Variants in CSMD1 observed in about 807,000 individuals in gnomAD.
The protein encoded by CSMD1 is CUB and sushi domain-containing protein 1.
In CSMD1, 213 loss-of-function variants were observed where a neutral mutation model predicts 417.5. That is an observed-to-expected ratio of 0.51 (90% CI 0.46 to 0.57). CSMD1 has a LOEUF of 0.57. Ranked by LOEUF, CSMD1 falls within the 20% of genes least tolerant of loss-of-function variation. The pLI, the probability that CSMD1 is intolerant of heterozygous loss-of-function variation, is 0.00. For missense variants in CSMD1, 6,923 were observed against 4,529.7 expected (o/e 1.53, Z -15.17); for synonymous variants, 2,862 against 1,736.8 (o/e 1.65, Z -16.11).
Position 3,052,592 on chromosome 8 carries a change from C to A in CSMD1, c.7530G>T (p.Glu2510Asp). Residue 2510 changes from glutamate to aspartate, a missense_variant, in exon 50 of 70, where the codon GAG (glutamate) becomes GAT (aspartate). By Grantham distance (45) the Glu-to-Asp change is conservative. Transcript: ENST00000635120. Reference protein sequence around the residue: ...SPGNGSFTGNEFTLDSKVVYE... With the variant: ...SPGNGSFTGNDFTLDSKVVYE... Reference sequence around the variant, plus strand: ...AGACCACTTTACTGTCCAAAGTGAACTCGTTCCCGGTAAATGAACCGTTTC... The same window carrying A: ...AGACCACTTTACTGTCCAAAGTGAAATCGTTCCCGGTAAATGAACCGTTTC... 6.2e-7 allele frequency: 1 copy of A among 1,611,960 alleles called. No homozygotes were observed. The highest frequency in any genetic ancestry group is 8.5e-7 in the Non-Finnish European group (1 of 1,179,070).
intron 4 of CSMD1, among the ~76,000 whole-genome samples, chr8:4,031,143 T>G (rs1264063648): frequency 1.3e-5 from 2 of 152,232 alleles, no homozygotes; most frequent in Non-Finnish European, 2.9e-5. Context: ...AAACTCTGCC[T>G]GTTATCCAGT....
chr8:4,162,543 A>T (rs188656617), intron 3 of CSMD1, among the ~76,000 whole-genome samples: 7 of 152,226 alleles, frequency 4.6e-5, no homozygotes, highest in South Asian at 2.1e-4. Context: ...GATATTTTTA[A>T]TTTATTTTAC....
chr8:3,901,608 T>C (rs1417550475), intron 5 of CSMD1, among the ~76,000 whole-genome samples: 2 of 152,216 alleles, frequency 1.3e-5, no homozygotes, highest in African/African-American at 4.8e-5. Flanking sequence ...CTTTTGATAG[T>C]TTCTCTGAAA....
chr8:3,468,849 C>G (rs367580762), intron 11 of CSMD1, 25 bp from the exon 12 acceptor site: 21 of 1,505,928 alleles, frequency 1.4e-5, no homozygotes, highest in Non-Finnish European at 1.8e-5. Context: ...AATGTCAAAG[C>G]TTTTAGGTAA....
intron 3 of CSMD1, among the ~76,000 whole-genome samples, chr8:4,161,947 G>C (rs774934433): frequency 2.6e-5 from 4 of 152,028 alleles, no homozygotes; most frequent in Non-Finnish European, 5.9e-5. Context: ...AGTAAGTATA[G>C]TACACAACAT....
At chr8:3,839,034 T>C (rs1200064669) in intron 5 of CSMD1, among the ~76,000 whole-genome samples, 2 of 128,138 alleles carry the variant, frequency 1.6e-5, no homozygotes, top group Non-Finnish European at 3.1e-5. Context: ...ATTATATATA[T>C]TTATTATATA....
chr8:4,640,720 G>A (rs894920506), intron 1 of CSMD1, among the ~76,000 whole-genome samples: 5 of 151,970 alleles, frequency 3.3e-5, no homozygotes, highest in African/African-American at 1.2e-4. Context: ...TCAACATGTT[G>A]TTTAACATGA....
intron 2 of CSMD1, among the ~76,000 whole-genome samples, chr8:4,471,132 T>G (rs1800506998): frequency 6.6e-6 from 1 of 152,206 alleles, no homozygotes; most frequent in African/African-American, 2.4e-5. Flanking sequence ...AAATTATCCT[T>G]CAACAGAACA....
chr8:4,043,450 G>A (rs945057955), intron 3 of CSMD1, among the ~76,000 whole-genome samples: 1 of 152,158 alleles, frequency 6.6e-6, no homozygotes, highest in African/African-American at 2.4e-5. Context: ...TCATGATAAT[G>A]GATGAAAAAT....
chr8:3,963,886 C>T (rs1362227913), intron 5 of CSMD1, among the ~76,000 whole-genome samples: 1 of 152,148 alleles, frequency 6.6e-6, no homozygotes, highest in Admixed American at 6.5e-5. Context: ...TTAACTGACA[C>T]TCGGAAGAAT....
chr8:4,102,899 A>G (rs546043530), intron 3 of CSMD1, among the ~76,000 whole-genome samples: 2 of 152,316 alleles, frequency 1.3e-5, no homozygotes, highest in East Asian at 3.9e-4. Context: ...AGGTTATAGC[A>G]AAGTGCTGAG....
chr8:4,438,855 T>G (rs1798299378), intron 2 of CSMD1, among the ~76,000 whole-genome samples: 1 of 152,214 alleles, frequency 6.6e-6, no homozygotes. Flanking sequence ...TATCTGAATC[T>G]GTATCACGTT....
intron 1 of CSMD1, among the ~76,000 whole-genome samples, chr8:4,745,182 G>A (rs1434537436): frequency 6.6e-6 from 1 of 152,030 alleles, no homozygotes; most frequent in Non-Finnish European, 1.5e-5. Context: ...TCTAATCAAT[G>A]AAACCTTAAT....
chr8:2,957,585 G>A (rs182184068), intron 63 of CSMD1, 111 bp downstream of exon 63: 38 of 752,016 alleles, frequency 5.1e-5, no homozygotes, highest in Non-Finnish European at 2.2e-6. Context: ...CGAAAATTTA[G>A]GATTAGGGAA....
At chr8:4,570,837 T>G (rs948673616) in intron 2 of CSMD1, among the ~76,000 whole-genome samples, 4 of 152,176 alleles carry the variant, frequency 2.6e-5, no homozygotes, top group African/African-American at 9.7e-5. Flanking sequence ...ATTGGTCTAT[T>G]TCGGGATTCG....
intron 3 of CSMD1, among the ~76,000 whole-genome samples, chr8:4,264,605 G>C (rs1361109771): frequency 6.6e-6 from 1 of 152,128 alleles, no homozygotes; most frequent in African/African-American, 2.4e-5. Context: ...TTCTAGGGTA[G>C]ATAGCAGTAA....
chr8:3,882,763 G>A (rs959617814), intron 5 of CSMD1, among the ~76,000 whole-genome samples: 2 of 152,192 alleles, frequency 1.3e-5, no homozygotes, highest in African/African-American at 4.8e-5. Flanking sequence ...TTGTGTGAAA[G>A]AATCCAAAAG....
intron 3 of CSMD1, among the ~76,000 whole-genome samples, chr8:4,227,634 T>C (rs1010898264): frequency 2.0e-5 from 3 of 152,012 alleles, no homozygotes; most frequent in Admixed American, 1.3e-4. Flanking sequence ...CTCGGCCTTC[T>C]TCCTACCAAT....
At chr8:3,455,122 C>T (rs1816020585) in intron 12 of CSMD1, among the ~76,000 whole-genome samples, 1 of 152,178 alleles carries the variant, frequency 6.6e-6, no homozygotes, top group African/African-American at 2.4e-5. Context: ...GAGGCTTGTG[C>T]ATTCATCAGG....
Sources: gnomAD v4.1 joint callset for allele counts (sites outside exome capture counted in the v4.1 genomes callset) on GRCh38, gnomAD v4.1.1 for gene constraint, MANE v1.5 for transcripts, NCBI Gene and HGNC (gene_info 2026-07-23, HGNC 2026-07-21) for gene names.